Variants in NTN5 observed in about 807,000 individuals in gnomAD.
The protein encoded by NTN5 is netrin 5.
A neutral mutation model predicts 38.7 loss-of-function variants in NTN5; 42 were observed. The ratio of observed to expected loss-of-function variants is 1.08; its 90% CI spans 0.85 to 1.40. NTN5 has a LOEUF of 1.40. NTN5 is among the 40% of genes most tolerant of loss of function. The pLI is 0.00. For missense variants in NTN5, 658 were observed against 716.5 expected, an observed-to-expected ratio of 0.92 and a Z score of 0.93; for synonymous variants, 329 against 303.9, an observed-to-expected ratio of 1.08 and a Z score of -0.86.
chr19:48,669,393 T>C (rs149551066), intron 2 of NTN5, among the ~76,000 whole-genome samples: 8 of 812 alleles, frequency 9.9e-3, no homozygotes, highest in Admixed American at 0.013. Context: ...ACCACCACCA[T>C]CACCACCACC....
Position 48,664,796 on chromosome 19 carries a change from C to T in NTN5, c.632-29G>A, listed in dbSNP as rs138610148. The T allele has an allele frequency of 2.5e-5, 38 of 1,501,690 alleles. No homozygotes were observed. The African/African-American group carries it at 4.1e-4, about 16-fold the overall frequency. The allele number at this position is 1,501,690 out of a possible 1,614,324, so 93.0% of individuals were successfully genotyped here. A position where few individuals can be genotyped will look rare whatever the true frequency, so the allele number is the denominator to read the frequency against. ...GGAGCAAAATGGGGTGGGGGCGCAT[C>T]AGGGCCGAGTGTGCTGCTCCCCAGT... On this transcript the variant is annotated intron_variant, in intron 2 of 6. Coordinates refer to ENST00000270235, the MANE Select transcript of NTN5 (RefSeq NM_145807.4).
At chr19:48,663,884 A>G (rs1378929776) in intron 4 of NTN5, 70 bp from the exon 5 acceptor site, 7 of 1,464,666 alleles carry the variant, frequency 4.8e-6, no homozygotes, top group Non-Finnish European at 6.7e-6. Context: ...TGCCCCGGGA[A>G]TCCAGGCACC....
rs760000615 is a variant in NTN5, at chr19:48,669,071, CACT to C, written c.631+1282_631+1284del. ...CCACCATCACCATCACCACCACCAC[CACT>C]ATCACCATCATCACCACCACCATCA... On this transcript the variant is annotated intron_variant, in intron 2 of 6. Transcript: ENST00000270235. Among the ~76,000 whole-genome samples, 218 of 140,392 alleles carry C rather than the reference CACT, an allele frequency of 1.6e-3. 3 individuals carry two copies. Among genetic ancestry groups the C allele is most frequent in the African/African-American group, 5.1e-3 (177 of 35,034 alleles). 92.1% of individuals were successfully genotyped at this position (140,392 alleles called of 152,430 possible). A position where few individuals can be genotyped will look rare whatever the true frequency, so the allele number is the denominator to read the frequency against.
Position 48,663,495 on chromosome 19 carries a change from A to C in NTN5, c.1073T>G (p.Met358Arg), listed in dbSNP as rs749685300. The C allele has an allele frequency of 2.5e-6, 4 of 1,614,128 alleles. No individual in the cohort carries two copies. Among genetic ancestry groups the C allele is most frequent in the South Asian group, 2.2e-5 (2 of 91,082 alleles). The change falls in exon 6 of 7, where the codon ATG (methionine) becomes AGG (arginine). Residue 358 changes from methionine (M) to arginine (R), a missense_variant. By Grantham distance (91) the Met-to-Arg change is moderately conservative. Coordinates refer to ENST00000270235, the MANE Select transcript of NTN5 (RefSeq NM_145807.4). ...CTGCTGGCAGTACCTCCGAAGGCTC[A>C]TGTGTACCCTGGTGTCCGACATATT... The part of the protein sequence containing the change: ...YCNMSDTRVH[M>R]SLRRYCQQDH...
At chr19:48,671,088 A>T in intron 1 of NTN5, 82 bp from the exon 2 acceptor site, 1 of 1,091,362 alleles carries the variant, frequency 9.2e-7, no homozygotes, top group East Asian at 2.8e-5. Context: ...GAACTGGGGC[A>T]TTCCACCCCC....
rs1013770125 is a variant in NTN5, at chr19:48,664,143, G to T, written c.970C>A (p.Arg324=). 6.2e-7 allele frequency: 1 copy of T among 1,603,934 alleles called. No homozygotes were observed. The highest frequency in any genetic ancestry group is 2.2e-5 in the East Asian group (1 of 44,526). The change falls in exon 4 of 7, where the codon CGA becomes AGA. Residue 324 remains arginine (R), a splice_region_variant and synonymous_variant. Coordinates refer to ENST00000270235, the MANE Select transcript of NTN5 (RefSeq NM_145807.4). ...QSRSPRMPCQ[R]IPEATTTLAT... Reference sequence around the variant, plus strand: ...TGTGGCCTGGCCCCTCAAGACTTACGCTGGCAGGGCATCCTGGGGGAGCGG... The same window carrying T: ...TGTGGCCTGGCCCCTCAAGACTTACTCTGGCAGGGCATCCTGGGGGAGCGG...
chr19:48,665,487 C>T (rs1319550201), intron 2 of NTN5, among the ~76,000 whole-genome samples: 1 of 149,558 alleles, frequency 6.7e-6, no homozygotes, highest in Non-Finnish European at 1.5e-5. Context: ...TCCGGGGGGA[C>T]TCATGAACCT....
intron 4 of NTN5, 34 bp from the exon 5 acceptor site, chr19:48,663,848 C>T: frequency 1.9e-6 from 3 of 1,604,520 alleles, no homozygotes; most frequent in Non-Finnish European, 2.6e-6. Flanking sequence ...ACCTCTTAGT[C>T]ATTTCCCCCA....
At chr19:48,663,269 T>C (rs770342763) in intron 6 of NTN5, 194 bp downstream of exon 6, 22 of 689,926 alleles carry the variant, frequency 3.2e-5, no homozygotes, top group South Asian at 2.7e-4. Flanking sequence ...CACAGGAAGG[T>C]AGTGAATGCC....
chr19:48,664,031 C>A, intron 4 of NTN5, 112 bp downstream of exon 4: 1 of 1,374,284 alleles, frequency 7.3e-7, no homozygotes, highest in Non-Finnish European at 9.8e-7. Flanking sequence ...AGCCTCCAGC[C>A]TTGGGCTCCC....
At chr19:48,666,486 T>C (rs1213523399) in intron 2 of NTN5, among the ~76,000 whole-genome samples, 3 of 151,564 alleles carry the variant, frequency 2.0e-5, no homozygotes, top group Non-Finnish European at 4.4e-5. Context: ...CAGTGAGTTA[T>C]GATTGCACCA....
Position 48,661,667 on chromosome 19 carries a change from C to A in NTN5, c.*10G>T. The A allele has an allele frequency of 6.5e-7, 1 of 1,532,302 alleles. No homozygotes were observed. Among genetic ancestry groups the A allele is most frequent in the Non-Finnish European group, 8.7e-7 (1 of 1,150,728 alleles). 94.9% of individuals were successfully genotyped at this position (1,532,302 alleles called of 1,614,324 possible). On this transcript the variant is annotated 3_prime_UTR_variant, in exon 7 of 7. Transcript: ENST00000270235. ...ACTTTGTTGGTGCTCGAGGCAGCCC[C>A]ATCTCACGTCTAGTGCTCCGGCCTG...
At position 48,664,304 on chromosome 19, in the gene NTN5, G is replaced by T; in HGVS notation, c.821-12C>A. ...GTGGCACTGGCAGGCTACATGAGCA[G>T]AGGAGCTGGGGGCATGGGGTATCAG... On this transcript the variant is annotated splice_polypyrimidine_tract_variant and intron_variant, in intron 3 of 6. Coordinates refer to ENST00000270235, the MANE Select transcript of NTN5 (RefSeq NM_145807.4). 1 of 1,611,164 alleles carries T rather than the reference G, an allele frequency of 6.2e-7. No homozygotes were observed. Among genetic ancestry groups the T allele is most frequent in the Non-Finnish European group, 8.5e-7 (1 of 1,178,778 alleles).
chr19:48,663,847 T>C lies in NTN5; in HGVS notation c.971-33A>G, dbSNP rs764299549. On this transcript the variant is annotated intron_variant, in intron 4 of 6. Coordinates refer to ENST00000270235, the MANE Select transcript of NTN5 (RefSeq NM_145807.4). ...ACCAAAGGAGAAATTAACCTCTTAG[T>C]CATTTCCCCCAGGATCCCCTCGCCC... 6 of 1,606,284 alleles carry C rather than the reference T, an allele frequency of 3.7e-6. No individual in the cohort carries two copies. The South Asian group carries it at 5.5e-5, about 15-fold the overall frequency.
chr19:48,661,541 G>T lies in NTN5; in HGVS notation c.*136C>A. ...TAAAAGTTCCGCACGCCTGCTCGGC[G>T]TGGGCGCAAGCATAGTGTCGTCGGG... On this transcript the variant is annotated 3_prime_UTR_variant, in exon 7 of 7. Coordinates refer to ENST00000270235, the MANE Select transcript of NTN5 (RefSeq NM_145807.4). 9.1e-7 allele frequency: 1 copy of T among 1,096,062 alleles called. No homozygotes were observed. The allele number at this position is 1,096,062 out of a possible 1,614,324, so 67.9% of individuals were successfully genotyped here. A position where few individuals can be genotyped will look rare whatever the true frequency, so the allele number is the denominator to read the frequency against.
intron 2 of NTN5, 140 bp downstream of exon 2, chr19:48,670,216 A>G (rs1047080821): frequency 6.7e-5 from 58 of 860,852 alleles, no homozygotes; most frequent in Non-Finnish European, 8.7e-5. Flanking sequence ...AGGAGGTATG[A>G]GGGGACCGAG....
chr19:48,664,523 C>G, intron 3 of NTN5, 56 bp downstream of exon 3: 1 of 1,496,088 alleles, frequency 6.7e-7, no homozygotes, highest in Non-Finnish European at 9.0e-7. Flanking sequence ...TCCCTCAGCC[C>G]CAGGAGTCCA....
rs1456101682 is a variant in NTN5, at chr19:48,661,866, G to A, written c.1281C>T (p.Thr427=). The change falls in exon 7 of 7, where the codon ACC becomes ACT. Residue 427 remains threonine, a synonymous_variant. Coordinates refer to ENST00000270235, the MANE Select transcript of NTN5 (RefSeq NM_145807.4). ...CGGCGCTGCCCAGCAGCAGGTAGTC[G>A]GTGCCTGGCTGCAGGCGCAGGCAGC... is the stretch of plus-strand genomic sequence containing the variant. ...TCGCLRLQPG[T]DYLLLGSAVG... is the part of the protein sequence containing the mutation. 2.2e-6 allele frequency: 3 copies of A among 1,342,458 alleles called. No homozygotes were observed. The highest frequency in any genetic ancestry group is 1.6e-5 in the South Asian group (1 of 62,294). The allele number at this position is 1,342,458 out of a possible 1,614,324, so 83.2% of individuals were successfully genotyped here.
Position 48,661,864 on chromosome 19 carries a change from T to G in NTN5, c.1283A>C (p.Asp428Ala). 1.5e-6 allele frequency: 2 copies of G among 1,343,512 alleles called. No individual in the cohort carries two copies. The highest frequency in any genetic ancestry group is 1.9e-6 in the Non-Finnish European group (2 of 1,050,808). The allele number at this position is 1,343,512 out of a possible 1,614,324, so 83.2% of individuals were successfully genotyped here. Residue 428 changes from aspartate to alanine, a missense_variant, in exon 7 of 7, where the codon GAC becomes GCC. Asp to Ala is a moderately radical substitution (Grantham distance 126). Coordinates refer to ENST00000270235, the MANE Select transcript of NTN5 (RefSeq NM_145807.4). Reference protein sequence around the residue: ...CGCLRLQPGTDYLLLGSAVGD... With the variant: ...CGCLRLQPGTAYLLLGSAVGD... ...CACGGCGCTGCCCAGCAGCAGGTAG[T>G]CGGTGCCTGGCTGCAGGCGCAGGCA... is the stretch of plus-strand genomic sequence containing the variant.
Sources: allele counts gnomAD v4.1 joint callset (sites outside exome capture counted in the v4.1 genomes callset), GRCh38; gene constraint gnomAD v4.1.1; transcripts MANE v1.5; gene names NCBI Gene and HGNC (gene_info 2026-07-23, HGNC 2026-07-21).